Variants in ROPN1L observed in about 807,000 individuals in gnomAD.
ROPN1L encodes ropporin-1-like protein.
In ROPN1L, 23 loss-of-function variants were observed where a neutral mutation model predicts 22.7. The observed-to-expected ratio is 1.01, with a 90% CI of 0.73 to 1.43. ROPN1L has a LOEUF of 1.43. Ranked by LOEUF, ROPN1L falls within the 40% of genes most tolerant of loss-of-function variation. The pLI is 0.00. For missense variants in ROPN1L, 271 were observed against 291.5 expected, an observed-to-expected ratio of 0.93 and a Z score of 0.51; for synonymous variants, 116 against 117.8, an observed-to-expected ratio of 0.98 and a Z score of 0.10.
chr5:10,465,538 C>A (rs1279095455), downstream of ROPN1L, among the ~76,000 whole-genome samples: 3 of 149,646 alleles, frequency 2.0e-5, no homozygotes, highest in Middle Eastern at 3.8e-3. Flanking sequence ...AACAAAAACA[C>A]AAACGAACAA....
downstream of ROPN1L, among the ~76,000 whole-genome samples, chr5:10,474,794 A>C (rs563654546): frequency 2.6e-5 from 4 of 152,204 alleles, no homozygotes; most frequent in African/African-American, 4.8e-5. Context: ...GTTCCTCCCA[A>C]ATTGTAACTG....
chr5:10,470,043 T>C (rs1199302356), intron 4 of ROPN1L, among the ~76,000 whole-genome samples: 2 of 152,238 alleles, frequency 1.3e-5, no homozygotes, highest in African/African-American at 4.8e-5. Flanking sequence ...GTATACTAAA[T>C]TTAGCAATTA....
At chr5:10,446,211 C>T (rs947847704) in intron 1 of ROPN1L, among the ~76,000 whole-genome samples, 1 of 152,192 alleles carries the variant, frequency 6.6e-6, no homozygotes, top group African/African-American at 2.4e-5. Flanking sequence ...TAGTTGGTCT[C>T]ACCTCAAAAG....
At chr5:10,469,883 T>C (rs1193273020), downstream of ROPN1L, among the ~76,000 whole-genome samples, 2 of 152,218 alleles carry the variant, frequency 1.3e-5, no homozygotes, top group Non-Finnish European at 2.9e-5. Flanking sequence ...GCAGGGCCAA[T>C]GATTTGCTTT....
At chr5:10,457,922 T>A (rs1483395422) in intron 3 of ROPN1L, among the ~76,000 whole-genome samples, 1 of 152,090 alleles carries the variant, frequency 6.6e-6, no homozygotes. Context: ...GCCACCTCCG[T>A]GGCTGCTGCA....
downstream of ROPN1L, among the ~76,000 whole-genome samples, chr5:10,474,699 G>A (rs1353055513): frequency 6.6e-6 from 1 of 152,260 alleles, no homozygotes; most frequent in Non-Finnish European, 1.5e-5. Flanking sequence ...CATGGAGAAG[G>A]TCAGATGATG....
chr5:10,452,153 G>T (rs1006737617), intron 3 of ROPN1L, among the ~76,000 whole-genome samples: 9 of 150,482 alleles, frequency 6.0e-5, no homozygotes, highest in South Asian at 2.1e-4. Flanking sequence ...GCTAATTCTT[G>T]TACTTTTAGT....
At chr5:10,456,493 A>G (rs1741425519) in intron 3 of ROPN1L, among the ~76,000 whole-genome samples, 1 of 152,196 alleles carries the variant, frequency 6.6e-6, no homozygotes, top group South Asian at 2.1e-4. Flanking sequence ...CATCTCAAAA[A>G]AACAAACAAA....
At position 10,464,826 on chromosome 5, in the gene ROPN1L, T is replaced by C. The variant is rs1735121793; in HGVS notation, c.594-22T>C. On this transcript the variant is annotated intron_variant, in intron 4 of 4. Coordinates refer to ENST00000274134, the MANE Select transcript of ROPN1L (RefSeq NM_031916.5). ...TATGATGAGAAATTACCAATAAATA[T>C]CTTTATCTGTTTCCAATTTAGAGAC... 4 of 1,416,826 alleles carry C rather than the reference T, an allele frequency of 2.8e-6. No individual in the cohort carries two copies. In the African/African-American group the frequency reaches 4.3e-5, roughly 15 times the overall value. The allele number at this position is 1,416,826 out of a possible 1,614,324, so 87.8% of individuals were successfully genotyped here.
intron 3 of ROPN1L, among the ~76,000 whole-genome samples, chr5:10,458,316 C>T (rs992811248): frequency 6.6e-6 from 1 of 151,940 alleles, no homozygotes; most frequent in African/African-American, 2.4e-5. Context: ...TCCCTCATCT[C>T]CCCAGCTCTT....
intron 2 of ROPN1L, 124 bp from the exon 3 acceptor site, chr5:10,449,828 C>A: frequency 1.4e-6 from 1 of 709,056 alleles, no homozygotes; most frequent in Non-Finnish European, 2.3e-6. Context: ...CCCTGTCATG[C>A]ATTTGGAGTT....
chr5:10,465,030 C>T, downstream of ROPN1L: 1 of 684,816 alleles, frequency 1.5e-6, no homozygotes, highest in Non-Finnish European at 2.4e-6. Context: ...AATCACACAC[C>T]TCTGTAGTGT....
intron 3 of ROPN1L, among the ~76,000 whole-genome samples, chr5:10,453,163 C>T (rs1033038426): frequency 7.2e-5 from 11 of 152,202 alleles, no homozygotes; most frequent in Non-Finnish European, 1.2e-4. Context: ...TGGTCCAGTG[C>T]GGCTGTAGAC....
intron 3 of ROPN1L, among the ~76,000 whole-genome samples, chr5:10,451,852 T>G (rs1741260056): frequency 6.6e-6 from 1 of 152,212 alleles, no homozygotes; most frequent in Non-Finnish European, 1.5e-5. Context: ...AGGGGTATTA[T>G]CAAGATAGAC....
the ROPN1L span, among the ~76,000 whole-genome samples, chr5:10,480,411 C>G: frequency 1.3e-5 from 2 of 152,276 alleles, no homozygotes; most frequent in Admixed American, 6.5e-5. Context: ...CCTGAAAACC[C>G]CATCTCTGTT....
intron 2 of ROPN1L, among the ~76,000 whole-genome samples, 176 bp downstream of exon 2, chr5:10,448,559 T>A (rs1311769518): frequency 6.6e-6 from 1 of 152,190 alleles, no homozygotes; most frequent in Non-Finnish European, 1.5e-5. Flanking sequence ...GGAAGAAATA[T>A]GTTGTGTCTG....
At chr5:10,477,152 T>G in the ROPN1L span, among the ~76,000 whole-genome samples, 46 of 152,256 alleles carry the variant, frequency 3.0e-4, no homozygotes, top group Non-Finnish European at 1.5e-5. Context: ...AAAATATTTT[T>G]CTTTTTGAAC....
chr5:10,447,522 T>C (rs1190372111), intron 1 of ROPN1L, among the ~76,000 whole-genome samples: 3 of 152,158 alleles, frequency 2.0e-5, no homozygotes, highest in Admixed American at 6.5e-5. Flanking sequence ...CAGGGTTGAA[T>C]ATGCAGAGAC....
In ROPN1L at chr5:10,464,865, G is replaced by T; in HGVS notation, c.611G>T (p.Gly204Val). 6.2e-7 allele frequency: 1 copy of T among 1,600,794 alleles called. No homozygotes were observed. Among genetic ancestry groups the T allele is most frequent in the South Asian group, 1.1e-5 (1 of 87,542 alleles). ...CAATTTAGAGACGCCAGGAAGAACG[G>T]CATGATAGGTCTTTCAGATTTCTTC... ...LKENIDARKN[G>V]MIGLSDFFFP... Residue 204 changes from glycine (G) to valine (V), a missense_variant, in exon 5 of 5, where the codon GGC becomes GTC. Transcript: ENST00000274134.
Sources: gnomAD v4.1 joint callset for allele counts (sites outside exome capture counted in the v4.1 genomes callset) on GRCh38, gnomAD v4.1.1 for gene constraint, MANE v1.5 for transcripts, NCBI Gene and HGNC (gene_info 2026-07-23, HGNC 2026-07-21) for gene names.